The following PDE4B variants were observed in gnomAD, a reference collection of about 807,000 sequenced individuals.
The protein encoded by PDE4B is phosphodiesterase 4B.
Under a neutral mutation model 82.2 loss-of-function variants are expected in PDE4B, and 20 were observed. That is an observed-to-expected ratio of 0.24 (90% CI 0.17 to 0.35). The LOEUF (loss-of-function observed/expected upper bound fraction) is 0.35. Among genes scored for constraint, PDE4B ranks in the 10% least tolerant of loss-of-function variants. The pLI is 1.00. For missense variants in PDE4B, 655 were observed against 907.2 expected, an observed-to-expected ratio of 0.72 and a Z score of 3.57; for synonymous variants, 320 against 318.9, an observed-to-expected ratio of 1.00 and a Z score of -0.04.
chr1:66,061,738 C>G (rs1486793834), intron 3 of PDE4B, among the ~76,000 whole-genome samples: 1 of 152,010 alleles, frequency 6.6e-6, no homozygotes, highest in Non-Finnish European at 1.5e-5. Flanking sequence ...ACTGTTTTAT[C>G]ACACACCAGG....
chr1:66,374,190 A>G lies in PDE4B; in HGVS notation c.*1512A>G, dbSNP rs2050887139. On this transcript the variant is annotated 3_prime_UTR_variant, in exon 17 of 17. Coordinates refer to ENST00000341517, the MANE Select transcript of PDE4B (RefSeq NM_002600.4). ...AAGAGGTAGCCTCCTGCCTGCCATTAAGCAGGAATGTCATGTTCCAGTTCA... is the reference window on the plus strand; with the variant it reads ...AAGAGGTAGCCTCCTGCCTGCCATTGAGCAGGAATGTCATGTTCCAGTTCA... 3 of 152,632 alleles carry G rather than the reference A, an allele frequency of 2.0e-5. No individual in the cohort carries two copies. The highest frequency in any genetic ancestry group is 7.2e-5 in the African/African-American group (3 of 41,452). 9.5% of individuals were successfully genotyped at this position (152,632 alleles called of 1,614,324 possible). A position where few individuals can be genotyped will look rare whatever the true frequency, so the allele number is the denominator to read the frequency against.
intron 1 of PDE4B, among the ~76,000 whole-genome samples, chr1:65,902,077 C>A (rs1168383300): frequency 6.6e-6 from 1 of 151,766 alleles, no homozygotes; most frequent in Non-Finnish European, 1.5e-5. Context: ...GTTTAATTTC[C>A]ATGTCATTGT....
At chr1:66,156,582 T>C (rs1255191779) in intron 3 of PDE4B, among the ~76,000 whole-genome samples, 2 of 152,008 alleles carry the variant, frequency 1.3e-5, no homozygotes, top group East Asian at 3.9e-4. Context: ...AGACTCCACA[T>C]TCCCCATCAG....
intron 3 of PDE4B, among the ~76,000 whole-genome samples, chr1:66,218,702 G>A (rs1173556716): frequency 6.6e-6 from 1 of 152,112 alleles, no homozygotes; most frequent in Non-Finnish European, 1.5e-5. Context: ...GAAATCTGCT[G>A]TTAGATCCTT....
intron 3 of PDE4B, among the ~76,000 whole-genome samples, chr1:66,218,435 G>A (rs748490436): frequency 1.1e-4 from 17 of 152,058 alleles, no homozygotes; most frequent in Non-Finnish European, 1.8e-4. Flanking sequence ...AAGAAGGGAG[G>A]TAGGGAGATG....
chr1:65,929,661 G>A (rs1317941776), intron 3 of PDE4B, among the ~76,000 whole-genome samples: 1 of 152,124 alleles, frequency 6.6e-6, no homozygotes, highest in East Asian at 1.9e-4. Flanking sequence ...TCATCACTTT[G>A]TCCACTGAAC....
In PDE4B at chr1:66,141,327, AAT is replaced by A. The variant is rs71058454; in HGVS notation, c.282-106094_282-106093del. On this transcript the variant is annotated intron_variant, in intron 3 of 16. Coordinates refer to ENST00000341517, the MANE Select transcript of PDE4B (RefSeq NM_002600.4). ...AGCAGTGCAGATAGAAAGCTTTGAG[AAT>A]ATATATATATATATATATATATATA... 9.0e-3 allele frequency among the ~76,000 whole-genome samples: 819 copies of A among 91,370 alleles called. 3 individuals are homozygous for A. The highest frequency in any genetic ancestry group is 0.018 in the African/African-American group (335 of 18,424). The allele number at this position is 91,370 out of a possible 152,430, so 59.9% of individuals were successfully genotyped here.
chr1:66,252,136 A>C (rs947401079), intron 4 of PDE4B, among the ~76,000 whole-genome samples: 3 of 152,166 alleles, frequency 2.0e-5, no homozygotes, highest in Non-Finnish European at 4.4e-5. Context: ...TAATTGAAGG[A>C]TAAGGAAGAG....
intron 3 of PDE4B, among the ~76,000 whole-genome samples, chr1:66,058,734 C>T (rs1299986578): frequency 6.6e-6 from 1 of 152,188 alleles, no homozygotes; most frequent in Non-Finnish European, 1.5e-5. Context: ...CAAGCCTAGG[C>T]TGCACACAGC....
intron 3 of PDE4B, among the ~76,000 whole-genome samples, chr1:65,958,843 AG>A (rs1649400688): frequency 6.6e-6 from 1 of 152,200 alleles, no homozygotes; most frequent in African/African-American, 2.4e-5. Flanking sequence ...GTATATCTGC[AG>A]TAATCTGCAG....
chr1:66,292,253 T>G (rs1287395071), intron 7 of PDE4B, among the ~76,000 whole-genome samples: 1 of 152,338 alleles, frequency 6.6e-6, no homozygotes. Flanking sequence ...TTGGTGAATG[T>G]TTATCTTTGC....
At chr1:66,324,301 T>C (rs1659601340) in intron 7 of PDE4B, among the ~76,000 whole-genome samples, 1 of 152,064 alleles carries the variant, frequency 6.6e-6, no homozygotes. Flanking sequence ...TCTCCTTCAT[T>C]CTCCCTCCTT....
chr1:66,204,126 T>C (rs1174695882), intron 3 of PDE4B, among the ~76,000 whole-genome samples: 2 of 152,258 alleles, frequency 1.3e-5, no homozygotes, highest in Admixed American at 1.3e-4. Flanking sequence ...AGACCCTGTT[T>C]GCCTGGGTAT....
intron 7 of PDE4B, among the ~76,000 whole-genome samples, chr1:66,282,201 T>C (rs1656350488): frequency 6.6e-6 from 1 of 152,156 alleles, no homozygotes; most frequent in South Asian, 2.1e-4. Context: ...CTAGAGAGAA[T>C]TTAGAAGAAA....
chr1:66,187,978 A>C (rs1400348127), intron 3 of PDE4B, among the ~76,000 whole-genome samples: 1 of 148,956 alleles, frequency 6.7e-6, no homozygotes, highest in African/African-American at 2.5e-5. Flanking sequence ...ATTTAGTGCT[A>C]TAAATTTCCC....
chr1:66,106,790 T>C (rs1302611523), intron 3 of PDE4B, among the ~76,000 whole-genome samples: 25 of 135,738 alleles, frequency 1.8e-4, no homozygotes, highest in Non-Finnish European at 3.4e-4. Context: ...TGATATCCCC[T>C]TTATCATTTT....
intron 3 of PDE4B, among the ~76,000 whole-genome samples, chr1:66,104,933 C>T (rs1254439118): frequency 1.3e-5 from 2 of 148,520 alleles, no homozygotes; most frequent in African/African-American, 4.9e-5. Context: ...TGCAGAAGCT[C>T]TTTAGTTTAA....
At chr1:65,865,991 A>G (rs1293194550) in intron 1 of PDE4B, among the ~76,000 whole-genome samples, 1 of 152,098 alleles carries the variant, frequency 6.6e-6, no homozygotes, top group Non-Finnish European at 1.5e-5. Context: ...AACTTTCTAT[A>G]AGTAGGCTGT....
Position 66,090,621 on chromosome 1 carries a change from A to ATATATATATATATATGTG in PDE4B, c.282-156838_282-156837insATATATATATATATGTGT. On this transcript the variant is annotated intron_variant, in intron 3 of 16. Transcript: ENST00000341517. ...TTATATATATATATGTATATAATAT[A>ATATATATATATATATGTG]TGTGTGTGTGTGTGTGTGTATGTAC... Among the ~76,000 whole-genome samples the ATATATATATATATATGTG allele has an allele frequency of 1.0e-3, 125 of 122,644 alleles. 3 individuals carry two copies. The highest frequency in any genetic ancestry group is 4.9e-3 in the African/African-American group (118 of 24,298). 80.5% of individuals were successfully genotyped at this position (122,644 alleles called of 152,430 possible).
Sources: allele counts gnomAD v4.1 joint callset (sites outside exome capture counted in the v4.1 genomes callset), GRCh38; gene constraint gnomAD v4.1.1; transcripts MANE v1.5; gene names NCBI Gene and HGNC (gene_info 2026-07-23, HGNC 2026-07-21).